CSNK2A2IP: variants seen among roughly 807,000 people sequenced by gnomAD.
The protein encoded by CSNK2A2IP is casein kinase II subunit alpha'-interacting protein.
At chr3:88,441,377 A>G in the CSNK2A2IP span, among the ~76,000 whole-genome samples, 5 of 152,178 alleles carry the variant, frequency 3.3e-5, no homozygotes, top group Non-Finnish European at 7.4e-5. Context: ...ATAAAGAAAC[A>G]TAGGGATTAA....
chr3:88,441,823 A>G, the CSNK2A2IP span, among the ~76,000 whole-genome samples: 1 of 152,190 alleles, frequency 6.6e-6, no homozygotes, highest in African/African-American at 2.4e-5. Context: ...GAAACTAATC[A>G]CAATGAAATA....
chr3:88,391,249 T>A, the CSNK2A2IP span, among the ~76,000 whole-genome samples: 1 of 152,190 alleles, frequency 6.6e-6, no homozygotes, highest in African/African-American at 2.4e-5. Flanking sequence ...GCTTTTGCCA[T>A]TCTTGAGGAT....
chr3:88,364,479 T>C, the CSNK2A2IP span, among the ~76,000 whole-genome samples: 1 of 151,960 alleles, frequency 6.6e-6, no homozygotes, highest in Non-Finnish European at 1.5e-5. Flanking sequence ...AGTATAAAAA[T>C]ATAAGGGAAA....
the CSNK2A2IP span, among the ~76,000 whole-genome samples, chr3:88,347,983 C>T: frequency 2.0e-5 from 3 of 151,932 alleles, no homozygotes; most frequent in East Asian, 5.8e-4. Context: ...AGAAATAGTA[C>T]CTCTCCACAA....
the CSNK2A2IP span, among the ~76,000 whole-genome samples, chr3:88,349,004 C>A: frequency 6.6e-6 from 1 of 151,938 alleles, no homozygotes; most frequent in Non-Finnish European, 1.5e-5. Context: ...TCATTACCAC[C>A]CTAATCCAGG....
chr3:88,340,220 T>A, the CSNK2A2IP span, among the ~76,000 whole-genome samples: 5 of 151,860 alleles, frequency 3.3e-5, no homozygotes, highest in Admixed American at 1.3e-4. Context: ...TCTTACAGGG[T>A]CTTAATTGCC....
At chr3:88,426,070 A>G in the CSNK2A2IP span, among the ~76,000 whole-genome samples, 3 of 152,204 alleles carry the variant, frequency 2.0e-5, no homozygotes, top group African/African-American at 4.8e-5. Flanking sequence ...TCACATAACA[A>G]ATGCCCATTT....
the CSNK2A2IP span, among the ~76,000 whole-genome samples, chr3:88,360,050 G>GTA: frequency 6.6e-6 from 1 of 151,656 alleles, no homozygotes; most frequent in Non-Finnish European, 1.5e-5. Context: ...AGTGTTGGGT[G>GTA]TATATATATT....
the CSNK2A2IP span, among the ~76,000 whole-genome samples, chr3:88,447,085 C>T: frequency 6.6e-5 from 10 of 152,052 alleles, no homozygotes; most frequent in Non-Finnish European, 1.2e-4. Flanking sequence ...AGGGAAAATA[C>T]TTGTAGTATA....
the CSNK2A2IP span, among the ~76,000 whole-genome samples, chr3:88,387,700 A>C: frequency 6.6e-6 from 1 of 152,198 alleles, no homozygotes; most frequent in Non-Finnish European, 1.5e-5. Flanking sequence ...TATATCAAAA[A>C]TAATATGTTT....
the CSNK2A2IP span, among the ~76,000 whole-genome samples, chr3:88,434,510 C>A: frequency 1.9e-3 from 288 of 152,184 alleles, no homozygotes; most frequent in African/African-American, 6.5e-3. Flanking sequence ...GGAAACTTAG[C>A]TAGAAAACAA....
chr3:88,427,529 C>A, the CSNK2A2IP span, among the ~76,000 whole-genome samples: 1 of 152,268 alleles, frequency 6.6e-6, no homozygotes, highest in African/African-American at 2.4e-5. Flanking sequence ...GGCCTGGGGG[C>A]ATAAGAGGTA....
chr3:88,414,494 G>A, the CSNK2A2IP span, among the ~76,000 whole-genome samples: 1 of 151,466 alleles, frequency 6.6e-6, no homozygotes, highest in East Asian at 1.9e-4. Flanking sequence ...TGTTGGCCAG[G>A]CTGCTCTCGA....
At chr3:88,370,805 C>A in the CSNK2A2IP span, among the ~76,000 whole-genome samples, 1 of 151,592 alleles carries the variant, frequency 6.6e-6, no homozygotes, top group African/African-American at 2.4e-5. Flanking sequence ...CAATTAGTCC[C>A]AAGGAACTAA....
At chr3:88,442,150 A>G in the CSNK2A2IP span, among the ~76,000 whole-genome samples, 1 of 152,306 alleles carries the variant, frequency 6.6e-6, no homozygotes, top group Admixed American at 6.5e-5. Flanking sequence ...TAAGACACAC[A>G]TGCACACAAA....
the CSNK2A2IP span, among the ~76,000 whole-genome samples, chr3:88,402,618 A>G: frequency 1.3e-5 from 2 of 151,044 alleles, no homozygotes; most frequent in Admixed American, 6.6e-5. Flanking sequence ...AAGAATTTAT[A>G]CAATATGTTA....
chr3:88,409,575 A>T, the CSNK2A2IP span, among the ~76,000 whole-genome samples: 1 of 151,678 alleles, frequency 6.6e-6, no homozygotes, highest in East Asian at 1.9e-4. Context: ...AATTATAGAG[A>T]GTGAGGCAAA....
At chr3:88,430,148 C>T in the CSNK2A2IP span, among the ~76,000 whole-genome samples, 5,573 of 152,158 alleles carry the variant, frequency 0.037, 217 homozygotes, top group East Asian at 0.21. Flanking sequence ...TATTGCTTTA[C>T]ATGCATGATG....
the CSNK2A2IP span, among the ~76,000 whole-genome samples, chr3:88,360,326 G>C: frequency 3.3e-5 from 5 of 151,774 alleles, no homozygotes; most frequent in African/African-American, 9.7e-5. Flanking sequence ...GTAGAGACGG[G>C]GTTTCACCGT....
Sources: gnomAD v4.1 joint callset for allele counts (sites outside exome capture counted in the v4.1 genomes callset) on GRCh38, gnomAD v4.1.1 for gene constraint, MANE v1.5 for transcripts, NCBI Gene and HGNC (gene_info 2026-07-23, HGNC 2026-07-21) for gene names.